The following EPHA6 variants were observed in gnomAD, a reference collection of about 807,000 sequenced individuals.
EPHA6 encodes the protein EPH receptor A6.
EPHA6 carries 50 observed loss-of-function variants against 112.0 expected under a neutral mutation model. That is an observed-to-expected ratio of 0.45 (90% CI 0.36 to 0.56). EPHA6 has a LOEUF of 0.56. Ranked by LOEUF, EPHA6 falls within the 20% of genes least tolerant of loss-of-function variation. The pLI is 0.00. For missense variants in EPHA6, 1,280 were observed against 1,417.4 expected (o/e 0.90, Z 1.56); for synonymous variants, 529 against 490.7 (o/e 1.08, Z -1.03).
intron 11 of EPHA6, among the ~76,000 whole-genome samples, chr3:97,543,983 G>C (rs1216311718): frequency 6.6e-6 from 1 of 152,208 alleles, no homozygotes. Flanking sequence ...AGCTTGTGGA[G>C]ATTTTGGGCT....
intron 3 of EPHA6, among the ~76,000 whole-genome samples, chr3:97,013,610 G>A (rs1424215361): frequency 6.6e-6 from 1 of 152,030 alleles, no homozygotes; most frequent in Non-Finnish European, 1.5e-5. Context: ...TTATATGAAG[G>A]GATGTACACT....
chr3:97,541,755 A>T (rs2092856678), intron 11 of EPHA6, among the ~76,000 whole-genome samples: 1 of 130,834 alleles, frequency 7.6e-6, no homozygotes, highest in African/African-American at 3.8e-5. Flanking sequence ...GTTTGTTTTA[A>T]AGAAGTTTGT....
intron 3 of EPHA6, among the ~76,000 whole-genome samples, chr3:97,104,059 G>T (rs764331366): frequency 1.3e-5 from 2 of 151,980 alleles, no homozygotes; most frequent in Admixed American, 6.6e-5. Context: ...AAGGCTATGG[G>T]GTTTTCTAGA....
intron 5 of EPHA6, among the ~76,000 whole-genome samples, chr3:97,329,148 A>G (rs1488597343): frequency 1.3e-5 from 2 of 152,044 alleles, no homozygotes; most frequent in Non-Finnish European, 2.9e-5. Flanking sequence ...ACATGAACTC[A>G]TCCTTTTTTA....
At chr3:97,293,548 A>C (rs901433132) in intron 5 of EPHA6, among the ~76,000 whole-genome samples, 1 of 152,224 alleles carries the variant, frequency 6.6e-6, no homozygotes, top group Non-Finnish European at 1.5e-5. Flanking sequence ...AGCTCCATTC[A>C]TGCAGCAGGT....
At chr3:97,480,918 G>A (rs2091519126) in intron 9 of EPHA6, among the ~76,000 whole-genome samples, 1 of 152,008 alleles carries the variant, frequency 6.6e-6, no homozygotes, top group African/African-American at 2.4e-5. Flanking sequence ...TCAGACAATG[G>A]GCGGCCGGGC....
rs147376206 is a variant in EPHA6 at position 97,502,072 on chromosome 3, A to G, written c.2200+18013A>G. On this transcript the variant is annotated intron_variant, in intron 10 of 17. Coordinates refer to ENST00000389672, the MANE Select transcript of EPHA6 (RefSeq NM_001080448.3). ...CAGGGCTTACGTACCACAGAGAAAG[A>G]GTATTTGCGATTCAGAAGAGATATG... is the stretch of plus-strand genomic sequence containing the variant. Among the ~76,000 whole-genome samples, 1,001 of 151,402 alleles carry G rather than the reference A, an allele frequency of 6.6e-3. 22 individuals carry two copies. The highest frequency in any genetic ancestry group is 0.022 in the African/African-American group (922 of 41,206).
intron 3 of EPHA6, among the ~76,000 whole-genome samples, chr3:97,016,464 A>G (rs2044270015): frequency 6.6e-6 from 1 of 152,186 alleles, no homozygotes; most frequent in African/African-American, 2.4e-5. Flanking sequence ...TCTAATAATA[A>G]ATAGTTATTT....
intron 11 of EPHA6, among the ~76,000 whole-genome samples, chr3:97,582,913 T>C (rs2093452713): frequency 6.6e-6 from 1 of 151,930 alleles, no homozygotes; most frequent in African/African-American, 2.4e-5. Flanking sequence ...AACATTCTCT[T>C]TTAAACTTTG....
At chr3:97,020,755 C>G (rs556521097) in intron 3 of EPHA6, among the ~76,000 whole-genome samples, 14 of 152,048 alleles carry the variant, frequency 9.2e-5, no homozygotes, top group Admixed American at 4.6e-4. Flanking sequence ...ATAGACACAC[C>G]TTTAGGTTTT....
At chr3:97,558,255 G>A (rs1392833872) in intron 11 of EPHA6, among the ~76,000 whole-genome samples, 2 of 151,958 alleles carry the variant, frequency 1.3e-5, no homozygotes, top group African/African-American at 4.8e-5. Flanking sequence ...TAGCAGAAAT[G>A]TCAGGCTTTC....
chr3:97,321,172 T>C (rs958815255), intron 5 of EPHA6, among the ~76,000 whole-genome samples: 7 of 148,894 alleles, frequency 4.7e-5, no homozygotes, highest in Admixed American at 2.6e-4. Flanking sequence ...GGCAGTAGGC[T>C]GGATTCATCA....
At chr3:97,622,955 AT>A (rs113591597) in intron 13 of EPHA6, among the ~76,000 whole-genome samples, 26 of 150,482 alleles carry the variant, frequency 1.7e-4, no homozygotes, top group Middle Eastern at 3.4e-3. Context: ...AGGTTGCTTG[AT>A]TTTTTTTTGT....
chr3:97,269,983 ATTTTC>A (rs1231643124), intron 5 of EPHA6, among the ~76,000 whole-genome samples: 4 of 152,194 alleles, frequency 2.6e-5, no homozygotes, highest in East Asian at 3.9e-4. Flanking sequence ...TATTTTTGTA[ATTTTC>A]TTTTGTTAAA....
intron 7 of EPHA6, among the ~76,000 whole-genome samples, chr3:97,462,570 G>A (rs979221911): frequency 6.6e-6 from 1 of 152,030 alleles, no homozygotes; most frequent in Non-Finnish European, 1.5e-5. Context: ...TCCTTGCACA[G>A]AAATAAGCAA....
chr3:97,047,814 G>C (rs918016194), intron 3 of EPHA6, among the ~76,000 whole-genome samples: 3 of 152,076 alleles, frequency 2.0e-5, no homozygotes, highest in African/African-American at 7.2e-5. Flanking sequence ...ACCATATCAA[G>C]ACATGGGTTA....
intron 13 of EPHA6, among the ~76,000 whole-genome samples, chr3:97,627,416 T>C (rs1177863467): frequency 6.6e-6 from 1 of 151,790 alleles, no homozygotes; most frequent in Non-Finnish European, 1.5e-5. Context: ...CACTGAAACA[T>C]GGCATTTGAG....
At chr3:97,114,550 A>T (rs994585440) in intron 3 of EPHA6, among the ~76,000 whole-genome samples, 1 of 152,020 alleles carries the variant, frequency 6.6e-6, no homozygotes, top group Non-Finnish European at 1.5e-5. Flanking sequence ...GATTTTATAT[A>T]ATTTTATTTT....
chr3:97,238,602 T>C (rs1050385686), intron 4 of EPHA6, among the ~76,000 whole-genome samples: 5 of 151,972 alleles, frequency 3.3e-5, no homozygotes, highest in Admixed American at 1.3e-4. Context: ...ATTGTGATGA[T>C]TGAGTGAAAC....
Sources: allele counts gnomAD v4.1 joint callset (sites outside exome capture counted in the v4.1 genomes callset), GRCh38; gene constraint gnomAD v4.1.1; transcripts MANE v1.5; gene names NCBI Gene and HGNC (gene_info 2026-07-23, HGNC 2026-07-21).